ZNF550: variants seen among roughly 807,000 people sequenced by gnomAD.
The protein encoded by ZNF550 is zinc finger protein 550.
ZNF550 carries 42 observed loss-of-function variants against 40.2 expected under a neutral mutation model. That is an observed-to-expected ratio of 1.05 (90% CI 0.82 to 1.35). The LOEUF (loss-of-function observed/expected upper bound fraction) is 1.35. Among genes scored for constraint, ZNF550 ranks in the 40% most tolerant of loss-of-function variants. The pLI, the probability that ZNF550 is intolerant of heterozygous loss-of-function variation, is 0.00. For synonymous variants in ZNF550, 223 were observed against 198.6 expected, an observed-to-expected ratio of 1.12 and a Z score of -1.03; for missense variants, 549 against 525.2, an observed-to-expected ratio of 1.05 and a Z score of -0.44.
At chr19:57,546,819 A>G (rs2090014068) in exon 4 of ZNF550, 2 of 1,406,480 alleles carry the variant, frequency 1.4e-6, no homozygotes, top group South Asian at 1.7e-5. Context: ...GTGACTGCTC[A>G]TGTGTTAGTT....
At chr19:57,560,485 C>CA (rs1324626446), upstream of ZNF550, among the ~76,000 whole-genome samples, 3 of 152,232 alleles carry the variant, frequency 2.0e-5, no homozygotes, top group East Asian at 5.8e-4. Context: ...AAGCCAAAGG[C>CA]AAGAAGCTTT....
At chr19:57,548,081 A>G in intron 3 of ZNF550, 88 bp from the exon 4 acceptor site, 1 of 1,226,012 alleles carries the variant, frequency 8.2e-7, no homozygotes, top group Non-Finnish European at 1.1e-6. Flanking sequence ...GAAAATGAAG[A>G]TGAAAATAGT....
rs2090102898 is a variant in ZNF550, at chr19:57,554,566, C to T, written c.154+1665G>A. On this transcript the variant is annotated intron_variant, in intron 2 of 4. Transcript: ENST00000457177. This position sits in a 1 kb window ranked among gnomAD's most constrained non-coding sequence, Gnocchi z 4.5. ...TCTGTTATATGCAGCCAAATGCTTT[C>T]CACTAGATGTGGTGAGTAAAAGACA... 6.6e-6 allele frequency: 1 copy of T among 152,186 alleles called. No individual in the cohort carries two copies. Among genetic ancestry groups the T allele is most frequent in the Admixed American group, 6.5e-5 (1 of 15,282 alleles). The allele number at this position is 152,186 out of a possible 1,614,324, so 9.4% of individuals were successfully genotyped here.
intron 3 of ZNF550, among the ~76,000 whole-genome samples, chr19:57,551,797 C>T (rs971795669): frequency 6.6e-6 from 1 of 152,230 alleles, no homozygotes; most frequent in African/African-American, 2.4e-5. Flanking sequence ...GCTCCAGCTA[C>T]ACTCATCAGC....
At chr19:57,560,683 A>G (rs1453748707), upstream of ZNF550, among the ~76,000 whole-genome samples, 1 of 152,134 alleles carries the variant, frequency 6.6e-6, no homozygotes, top group Non-Finnish European at 1.5e-5. Flanking sequence ...ATTTCTTAGA[A>G]TTGGGGTGCC....
At chr19:57,547,630 C>T (rs2090031647) in exon 4 of ZNF550, 1 of 1,614,094 alleles carries the variant, frequency 6.2e-7, no homozygotes, top group South Asian at 1.1e-5. Flanking sequence ...ACACTGCTTG[C>T]ATTTGTAGGG....
At chr19:57,557,401 C>T (rs1345354825) in intron 1 of ZNF550, 3 of 152,040 alleles carry the variant, frequency 2.0e-5, no homozygotes, top group Non-Finnish European at 4.4e-5. Flanking sequence ...AGCACCTTTC[C>T]TTAAACTTAT....
upstream of ZNF550, among the ~76,000 whole-genome samples, chr19:57,560,341 C>T (rs1196846989): frequency 6.6e-6 from 1 of 152,176 alleles, no homozygotes; most frequent in African/African-American, 2.4e-5. Flanking sequence ...GTCTGTGGGA[C>T]GTCTGCCTCC....
chr19:57,547,191 G>A lies in ZNF550; in HGVS notation c.1053C>T (p.Ala351=), dbSNP rs766002386. Residue 351 remains alanine (A), a synonymous_variant, in exon 4 of 5, where the codon GCC becomes GCT. Transcript: ENST00000457177. Reference sequence around the variant, plus strand: ...GTATGAGTTCTGAGCTGCATCTGAAGGCCTTTCCACATGCCATGCAATCAT... The same window carrying A: ...GTATGAGTTCTGAGCTGCATCTGAAAGCCTTTCCACATGCCATGCAATCAT... 4 of 1,611,518 alleles carry A rather than the reference G, an allele frequency of 2.5e-6. No individual in the cohort carries two copies. In the South Asian group the frequency reaches 4.4e-5, roughly 18 times the overall value.
At chr19:57,553,232 A>G (rs2090089655) in intron 2 of ZNF550, 1 of 152,630 alleles carries the variant, frequency 6.6e-6, no homozygotes, top group Non-Finnish European at 1.5e-5. Flanking sequence ...ATGGCAGCCA[A>G]GGAGATAAAA....
chr19:57,552,236 T>C (rs2090078655), intron 3 of ZNF550: 1 of 401,496 alleles, frequency 2.5e-6, no homozygotes, highest in East Asian at 3.5e-5. Flanking sequence ...CATTAATTCT[T>C]TTCCATGGGC....
At chr19:57,544,996 C>G (rs897480899) in intron 4 of ZNF550, among the ~76,000 whole-genome samples, 3 of 152,302 alleles carry the variant, frequency 2.0e-5, no homozygotes, top group South Asian at 2.1e-4. Context: ...GTAGTACATG[C>G]CTGTAATCCC....
chr19:57,545,374 C>T (rs891800721), intron 4 of ZNF550, among the ~76,000 whole-genome samples: 2 of 152,026 alleles, frequency 1.3e-5, no homozygotes, highest in African/African-American at 4.8e-5. Flanking sequence ...TTTTATTTTG[C>T]CTGTTTTAGC....
intron 3 of ZNF550, among the ~76,000 whole-genome samples, chr19:57,548,345 C>G (rs902512072): frequency 1.3e-5 from 2 of 152,028 alleles, no homozygotes; most frequent in African/African-American, 4.8e-5. Flanking sequence ...GGATTAATAA[C>G]CAGAATATAT....
upstream of ZNF550, among the ~76,000 whole-genome samples, chr19:57,561,074 A>G (rs2090162218): frequency 6.6e-6 from 1 of 152,216 alleles, no homozygotes. This position sits in a 1 kb window ranked among gnomAD's most constrained non-coding sequence, Gnocchi z 4.9. Flanking sequence ...TGGACATGTC[A>G]TCCTGACTGG....
exon 4 of ZNF550, chr19:57,546,761 A>T (rs1397378926): frequency 2.2e-6 from 3 of 1,342,368 alleles, no homozygotes; most frequent in Non-Finnish European, 9.5e-7. Context: ...CTGAGTGGTG[A>T]CTGAAGGGAT....
rs191613619 is a variant in ZNF550 at position 57,547,197 on chromosome 19, T to G, written c.1047A>C (p.Gly349=). 3.3e-4 allele frequency: 533 copies of G among 1,611,380 alleles called. 4 individuals are homozygous for G. The East Asian group carries it at 0.011, about 32-fold the overall frequency. ...GTTCTGAGCTGCATCTGAAGGCCTTTCCACATGCCATGCAATCATAGGGCT... is the reference window on the plus strand; with the variant it reads ...GTTCTGAGCTGCATCTGAAGGCCTTGCCACATGCCATGCAATCATAGGGCT... Residue 349 remains glycine (G), a synonymous_variant, in exon 4 of 5, where the codon GGA becomes GGC. Transcript: ENST00000457177.
chr19:57,547,454 A>C, exon 4 of ZNF550: 1 of 1,614,040 alleles, frequency 6.2e-7, no homozygotes, highest in Non-Finnish European at 8.5e-7. Flanking sequence ...GCCTTCCCAC[A>C]CTCAAGGCAC....
chr19:57,546,572 A>C, exon 4 of ZNF550: 2 of 997,776 alleles, frequency 2.0e-6, no homozygotes, highest in Non-Finnish European at 2.4e-6. Context: ...TTCTCACATC[A>C]ATAACAATTA....
Sources: gnomAD v4.1 joint callset for allele counts (sites outside exome capture counted in the v4.1 genomes callset) on GRCh38, gnomAD v4.1.1 for gene constraint, Gnocchi (gnomAD v3.1) non-coding constraint, MANE v1.5 for transcripts, NCBI Gene and HGNC (gene_info 2026-07-23, HGNC 2026-07-21) for gene names.